Variants in VPS13B observed in about 807,000 individuals in gnomAD.
The protein encoded by VPS13B is intermembrane lipid transfer protein VPS13B.
In VPS13B, 285 loss-of-function variants were observed where a neutral mutation model predicts 426.4. The observed-to-expected ratio is 0.67, with a 90% CI of 0.61 to 0.74. The LOEUF is 0.74. Ranked by LOEUF, VPS13B falls within the 30% of genes least tolerant of loss-of-function variation. The pLI, the probability that VPS13B is intolerant of heterozygous loss-of-function variation, is 0.00. For missense variants in VPS13B, 4,537 were observed against 4,782.6 expected, an observed-to-expected ratio of 0.95 and a Z score of 1.51; for synonymous variants, 1,676 against 1,676.4, an observed-to-expected ratio of 1.00 and a Z score of 0.01.
chr8:99,090,978 ACC>A (rs1407173556), intron 3 of VPS13B, among the ~76,000 whole-genome samples: 1 of 152,130 alleles, frequency 6.6e-6, no homozygotes, highest in Non-Finnish European at 1.5e-5. Flanking sequence ...TCGGATACAC[ACC>A]CACATACCCA....
intron 21 of VPS13B, among the ~76,000 whole-genome samples, chr8:99,405,923 G>A (rs541911956): frequency 6.6e-6 from 1 of 151,990 alleles, no homozygotes; most frequent in Admixed American, 6.6e-5. Context: ...GGGACTACAG[G>A]CACCCACCAC....
intron 23 of VPS13B, among the ~76,000 whole-genome samples, chr8:99,465,490 A>G (rs952718512): frequency 1.3e-5 from 2 of 151,898 alleles, no homozygotes; most frequent in African/African-American, 4.8e-5. Context: ...CAGAAATATA[A>G]CTGTGATAGT....
intron 3 of VPS13B, among the ~76,000 whole-genome samples, chr8:99,080,836 A>AT (rs1419088286): frequency 1.3e-5 from 2 of 152,102 alleles, no homozygotes; most frequent in African/African-American, 4.8e-5. Context: ...TTGTAAGGTT[A>AT]TTTTTAACAG....
rs116546060 is a variant in VPS13B at position 99,870,893 on chromosome 8, A to G, written c.11495+6A>G. 1.2e-4 allele frequency: 194 copies of G among 1,613,406 alleles called. No individual in the cohort carries two copies. The African/African-American group carries it at 2.4e-3, about 20-fold the overall frequency. The stretch of plus-strand genomic sequence containing the variant: ...AGCCATGTCAAATATGTCTGGTAAA[A>G]TTATTGAGATACGTGCTCAACTTTA... On this transcript the variant is annotated splice_donor_region_variant and intron_variant, in intron 60 of 61. Transcript: ENST00000357162.
At chr8:99,776,715 A>G (rs1811759592) in intron 40 of VPS13B, 60 bp from the exon 41 acceptor site, 3 of 1,518,168 alleles carry the variant, frequency 2.0e-6, no homozygotes, top group Middle Eastern at 1.7e-4. Context: ...AAGACGTTTC[A>G]CTCATATAAT....
intron 16 of VPS13B, among the ~76,000 whole-genome samples, chr8:99,176,726 G>A (rs940363767): frequency 2.0e-5 from 3 of 152,124 alleles, no homozygotes; most frequent in Non-Finnish European, 2.9e-5. Context: ...ATTTTGTATT[G>A]AAAATGCAGC....
At chr8:99,454,851 G>C (rs1028780325) in intron 23 of VPS13B, among the ~76,000 whole-genome samples, 2 of 152,070 alleles carry the variant, frequency 1.3e-5, no homozygotes, top group Non-Finnish European at 2.9e-5. Flanking sequence ...TCTAAATGCT[G>C]TTTAAATTTA....
intron 17 of VPS13B, among the ~76,000 whole-genome samples, chr8:99,211,412 G>A (rs913089411): frequency 6.6e-6 from 1 of 152,172 alleles, no homozygotes; most frequent in Admixed American, 6.5e-5. Context: ...GACTTGGTTT[G>A]CTCTCTGCCC....
At chr8:99,295,706 G>T (rs747436823) in intron 19 of VPS13B, among the ~76,000 whole-genome samples, 3 of 152,002 alleles carry the variant, frequency 2.0e-5, no homozygotes, top group Admixed American at 6.6e-5. Context: ...ACTGTATATC[G>T]CTAGTCCAGG....
At chr8:99,360,222 CTTTCTT>C (rs773995122) in intron 19 of VPS13B, among the ~76,000 whole-genome samples, 4,998 of 23,710 alleles carry the variant, frequency 0.21, 606 homozygotes, top group South Asian at 0.33. Flanking sequence ...TTCTTTCTTT[CTTTCTT>C]TCTTTCTCTC....
At chr8:99,658,217 A>T (rs1191951621) in intron 34 of VPS13B, among the ~76,000 whole-genome samples, 1 of 152,208 alleles carries the variant, frequency 6.6e-6, no homozygotes, top group Non-Finnish European at 1.5e-5. Flanking sequence ...ATATGTGTTT[A>T]AAAAGTATGC....
At chr8:99,336,840 G>C (rs555488201) in intron 19 of VPS13B, among the ~76,000 whole-genome samples, 3 of 151,996 alleles carry the variant, frequency 2.0e-5, no homozygotes, top group African/African-American at 7.2e-5. Context: ...ATAGAATGGC[G>C]ATCATTAAAA....
chr8:99,531,652 T>C lies in VPS13B; in HGVS notation c.4745+10642T>C, dbSNP rs146177709. Among the ~76,000 whole-genome samples, 122 of 152,270 alleles carry C rather than the reference T, an allele frequency of 8.0e-4. 3 individuals carry two copies. The highest frequency in any genetic ancestry group is 2.6e-3 in the African/African-American group (108 of 41,604). ...TAAAACAATTATGACTATTTTCACA[T>C]GTATTTTTTATATAGCAAAATTATA... On this transcript the variant is annotated intron_variant, in intron 30 of 61. Transcript: ENST00000357162.
At chr8:99,295,020 T>G (rs1441747310) in intron 19 of VPS13B, among the ~76,000 whole-genome samples, 1 of 152,182 alleles carries the variant, frequency 6.6e-6, no homozygotes, top group East Asian at 1.9e-4. Flanking sequence ...TTAGAAAATG[T>G]AAGAGCTTAT....
In VPS13B at chr8:99,808,963, A is replaced by T. The variant is rs1490192037; in HGVS notation, c.7942-412A>T. 4.0e-5 allele frequency among the ~76,000 whole-genome samples: 6 copies of T among 148,298 alleles called. No homozygotes were observed. The East Asian group carries it at 9.8e-4, about 24-fold the overall frequency. On this transcript the variant is annotated intron_variant, in intron 43 of 61. Coordinates refer to ENST00000357162, the MANE Select transcript of VPS13B (RefSeq NM_152564.5). ...AAAAAAGGTATGACAATTGATGATT[A>T]AAAAAAAAACCCACAAACCAAATTT...
chr8:99,641,763 A>C (rs1829374954), intron 33 of VPS13B, 48 bp from the exon 34 acceptor site: 1 of 1,541,594 alleles, frequency 6.5e-7, no homozygotes, highest in Non-Finnish European at 8.8e-7. Flanking sequence ...TTTATATGAC[A>C]CTTGGCATGT....
In VPS13B at chr8:99,641,931, G is replaced by T; in HGVS notation, c.5341G>T (p.Val1781Leu). Residue 1781 changes from valine to leucine, a missense_variant, in exon 34 of 62, where the codon GTG becomes TTG. Val to Leu is a conservative substitution (Grantham distance 32). Around this residue, in one of 2 missense-constraint regions of VPS13B, gnomAD observed 4,311 missense variants for 4,474.3 expected, o/e 0.96. Transcript: ENST00000357162. The part of the protein sequence containing the change: ...IGSDSVKIRI[V>L]QIEQHSGASQ... ...CAGTGACAGTGTTAAAATCAGAATA[G>T]TGCAAATAGAGCAGCACAGTGGTGC... The T allele has an allele frequency of 6.2e-7, 1 of 1,614,112 alleles. No individual in the cohort carries two copies.
chr8:99,750,354 T>C (rs1407977437), intron 39 of VPS13B, among the ~76,000 whole-genome samples: 2 of 152,120 alleles, frequency 1.3e-5, no homozygotes, highest in Non-Finnish European at 2.9e-5. Context: ...TTTGGGACAC[T>C]TATATTACCC....
intron 52 of VPS13B, among the ~76,000 whole-genome samples, chr8:99,834,824 G>A (rs1815292992): frequency 6.6e-6 from 1 of 152,204 alleles, no homozygotes; most frequent in Non-Finnish European, 1.5e-5. Context: ...CTCCCAAAGT[G>A]CCGGGATTAT....
Sources: allele counts gnomAD v4.1 joint callset (sites outside exome capture counted in the v4.1 genomes callset), GRCh38; gene constraint gnomAD v4.1.1; regional missense constraint gnomAD v4.1.1; transcripts MANE v1.5; gene names NCBI Gene and HGNC (gene_info 2026-07-23, HGNC 2026-07-21).